Variants in USH2A observed in about 807,000 individuals in gnomAD.
USH2A encodes the protein Usher syndrome 2A (autosomal recessive, mild).
USH2A carries 443 observed loss-of-function variants against 538.9 expected under a neutral mutation model. That is an observed-to-expected ratio of 0.82 (90% CI 0.76 to 0.89). The LOEUF (loss-of-function observed/expected upper bound fraction) is 0.89. Among genes scored for constraint, USH2A ranks in the 40% least tolerant of loss-of-function variants. The pLI, the probability that USH2A is intolerant of heterozygous loss-of-function variation, is 0.00. For missense variants in USH2A, 6,633 were observed against 6,324.8 expected (o/e 1.05, Z -1.65); for synonymous variants, 2,413 against 2,273.5 (o/e 1.06, Z -1.75).
chr1:215,741,403 C>A lies in USH2A; in HGVS notation c.11683G>T (p.Gly3895Ter). 6.2e-7 allele frequency: 1 copy of A among 1,613,344 alleles called. No individual in the cohort carries two copies. Among genetic ancestry groups the A allele is most frequent in the Non-Finnish European group, 8.5e-7 (1 of 1,179,704 alleles). ...TAAATAAAGTAGTTGATGATGATTC[C>A]ATTTGGTTTTTCAGGTGGCATCCAC... is the stretch of plus-strand genomic sequence containing the variant. ...IKWMPPEKPNGIIINYFIYRR... is the reference protein window; with the variant it reads ...IKWMPPEKPN Residue 3895 changes from glycine (G) to a stop codon, truncating the protein, a stop_gained, in exon 60 of 72, where the codon GGA (glycine) becomes TGA (stop). Transcript: ENST00000307340. LOFTEE classifies it high-confidence loss of function.
intron 44 of USH2A, 123 bp downstream of exon 44, chr1:215,866,883 TA>T: frequency 7.2e-7 from 1 of 1,381,694 alleles, no homozygotes; most frequent in South Asian, 1.3e-5. Context: ...CTGCAATTGG[TA>T]AAAATTTACC....
At chr1:215,727,623 G>T (rs1030627117) in intron 61 of USH2A, among the ~76,000 whole-genome samples, 5 of 152,010 alleles carry the variant, frequency 3.3e-5, no homozygotes, top group African/African-American at 9.7e-5. Context: ...TACTCAGGAG[G>T]CTGAGGCAGG....
intron 56 of USH2A, among the ~76,000 whole-genome samples, chr1:215,766,107 G>A (rs1661119500): frequency 6.6e-6 from 1 of 152,158 alleles, no homozygotes; most frequent in African/African-American, 2.4e-5. Flanking sequence ...GTGTCTGGTT[G>A]TACATCTCTG....
At chr1:216,230,667 AG>A (rs1002290687) in intron 14 of USH2A, among the ~76,000 whole-genome samples, 2 of 152,124 alleles carry the variant, frequency 1.3e-5, no homozygotes, top group Non-Finnish European at 2.9e-5. Context: ...GGCAGGCAGC[AG>A]GGGGGCAATG....
intron 55 of USH2A, among the ~76,000 whole-genome samples, chr1:215,770,730 C>T (rs887295718): frequency 4.6e-5 from 7 of 151,890 alleles, no homozygotes; most frequent in East Asian, 1.9e-4. Context: ...CTGCTGTGCA[C>T]GCTATTATTT....
chr1:215,757,810 G>A (rs1325239179), intron 58 of USH2A, among the ~76,000 whole-genome samples: 1 of 152,110 alleles, frequency 6.6e-6, no homozygotes, highest in African/African-American at 2.4e-5. Flanking sequence ...GAGGAAAAAT[G>A]CAGCTACCAT....
intron 16 of USH2A, among the ~76,000 whole-genome samples, chr1:216,202,060 T>C (rs2035013560): frequency 6.6e-6 from 1 of 152,250 alleles, no homozygotes; most frequent in East Asian, 1.9e-4. Context: ...AATAAGGTTG[T>C]TGAAAACATT....
At position 215,647,670 on chromosome 1, in the gene USH2A, G is replaced by A. The variant is rs764036605; in HGVS notation, c.14643C>T (p.Ser4881=). 25 of 1,614,084 alleles carry A rather than the reference G, an allele frequency of 1.5e-5. No individual in the cohort carries two copies. The East Asian group carries it at 5.1e-4, about 33-fold the overall frequency. The change falls in exon 67 of 72, where the codon AGC becomes AGT. Residue 4881 remains serine, a synonymous_variant. Coordinates refer to ENST00000307340, the MANE Select transcript of USH2A (RefSeq NM_206933.4). Reference sequence around the variant, plus strand: ...GCCCCGTGTACTTTGTTTCTATTTGGCTGGGAGTACAGGGGAGGGCTGAGT... The same window carrying A: ...GCCCCGTGTACTTTGTTTCTATTTGACTGGGAGTACAGGGGAGGGCTGAGT... The part of the protein sequence containing the change: ...PPDSALPCTP[S]QIETKYTGLG...
rs868700260 is a variant in USH2A, at chr1:215,946,496, C to T, written c.7121-11701G>A. On this transcript the variant is annotated intron_variant, in intron 37 of 71. Coordinates refer to ENST00000307340, the MANE Select transcript of USH2A (RefSeq NM_206933.4). Reference sequence around the variant, plus strand: ...TATAAAACCCAGCAACTGTTTGACTCTATTAGTTGAGCCAACCAGCCGAGC... The same window carrying T: ...TATAAAACCCAGCAACTGTTTGACTTTATTAGTTGAGCCAACCAGCCGAGC... 2.6e-4 allele frequency among the ~76,000 whole-genome samples: 40 copies of T among 152,258 alleles called. No individual in the cohort carries two copies. The Middle Eastern group carries it at 0.01, about 39-fold the overall frequency.
At chr1:215,673,375 T>C (rs1447010604) in intron 63 of USH2A, among the ~76,000 whole-genome samples, 1 of 152,212 alleles carries the variant, frequency 6.6e-6, no homozygotes, top group Non-Finnish European at 1.5e-5. Context: ...TTTTACTAAA[T>C]TTTAAGCATA....
chr1:216,292,109 T>C (rs1001276221), intron 10 of USH2A, 66 bp downstream of exon 10: 1 of 1,511,638 alleles, frequency 6.6e-7, no homozygotes. Flanking sequence ...TAATTTAAAA[T>C]AATATGCATT....
chr1:216,422,027 C>T lies in USH2A; in HGVS notation c.310G>A (p.Gly104Ser). ...TCTGGTGTGATGCAGCTACTGAGGCCTGCTGAGAAAAGGGCAGTGTAGGTA... is the reference window on the plus strand; with the variant it reads ...TCTGGTGTGATGCAGCTACTGAGGCTTGCTGAGAAAAGGGCAGTGTAGGTA... ...HPTYTALFSAGLSSCITPDKN... is the reference protein window; with the variant it reads ...HPTYTALFSASLSSCITPDKN... The change falls in exon 2 of 72, where the codon GGC becomes AGC. Residue 104 changes from glycine (G) to serine (S), a missense_variant. Coordinates refer to ENST00000307340, the MANE Select transcript of USH2A (RefSeq NM_206933.4). 6.2e-7 allele frequency: 1 copy of T among 1,613,886 alleles called. No homozygotes were observed. The highest frequency in any genetic ancestry group is 8.5e-7 in the Non-Finnish European group (1 of 1,179,912).
chr1:215,748,133 C>T (rs1476054799), intron 58 of USH2A, among the ~76,000 whole-genome samples: 3 of 152,188 alleles, frequency 2.0e-5, no homozygotes, highest in Non-Finnish European at 2.9e-5. Context: ...CCTCATGATC[C>T]ACCCGCCTCG....
At chr1:215,915,598 A>G (rs1665932820) in intron 38 of USH2A, among the ~76,000 whole-genome samples, 2 of 152,098 alleles carry the variant, frequency 1.3e-5, no homozygotes. Flanking sequence ...ATAAAGAAAC[A>G]AGAGTTCAAA....
intron 21 of USH2A, among the ~76,000 whole-genome samples, chr1:216,134,240 A>C (rs2033435326): frequency 6.6e-6 from 1 of 152,138 alleles, no homozygotes; most frequent in Non-Finnish European, 1.5e-5. Flanking sequence ...AATTCTTCTC[A>C]TATTTCTTAT....
intron 38 of USH2A, among the ~76,000 whole-genome samples, chr1:215,902,879 TCTTCATAGGAGTTGTAGC>T (rs1003319152): frequency 2.6e-5 from 4 of 152,180 alleles, no homozygotes; most frequent in East Asian, 1.9e-4. Context: ...AGAGGAAAAG[TCTTCATAGGAGTTGTAGC>T]CTTCATAGGA....
intron 3 of USH2A, among the ~76,000 whole-genome samples, chr1:216,402,828 A>G (rs1223774480): frequency 6.6e-6 from 1 of 152,184 alleles, no homozygotes; most frequent in African/African-American, 2.4e-5. Flanking sequence ...CCAAGAGTCA[A>G]ACATACAACA....
At chr1:215,634,961 T>C (rs1157202089) in intron 69 of USH2A, among the ~76,000 whole-genome samples, 1 of 152,168 alleles carries the variant, frequency 6.6e-6, no homozygotes, top group Non-Finnish European at 1.5e-5. Flanking sequence ...ACCACTGTCT[T>C]GACAAATCCC....
intron 58 of USH2A, among the ~76,000 whole-genome samples, chr1:215,756,701 G>A (rs753981875): frequency 1.6e-4 from 24 of 152,056 alleles, no homozygotes; most frequent in Non-Finnish European, 3.1e-4. Context: ...CAAGGTGGGC[G>A]GATCATGAAG....
Sources: allele counts gnomAD v4.1 joint callset (sites outside exome capture counted in the v4.1 genomes callset), GRCh38; gene constraint gnomAD v4.1.1; transcripts MANE v1.5; gene names NCBI Gene and HGNC (gene_info 2026-07-23, HGNC 2026-07-21).